PCOLCE2: variants seen among roughly 807,000 people sequenced by gnomAD.
PCOLCE2 encodes the protein procollagen C-endopeptidase enhancer 2, also known as procollagen C-proteinase enhancer 2.
A neutral mutation model predicts 47.0 loss-of-function variants in PCOLCE2; 42 were observed. That is an observed-to-expected ratio of 0.89 (90% confidence interval 0.70 to 1.16). PCOLCE2 has a LOEUF of 1.16. Among genes scored for constraint, PCOLCE2 ranks in the 50% most tolerant of loss-of-function variants. The pLI is 0.00. For missense variants in PCOLCE2, 500 were observed against 526.1 expected, an observed-to-expected ratio of 0.95 and a Z score of 0.49; for synonymous variants, 169 against 191.7, an observed-to-expected ratio of 0.88 and a Z score of 0.98.
intron 2 of PCOLCE2, among the ~76,000 whole-genome samples, chr3:142,876,262 C>T (rs1933496395): frequency 6.6e-6 from 1 of 152,178 alleles, no homozygotes; most frequent in Non-Finnish European, 1.5e-5. Flanking sequence ...TATAATATTT[C>T]ATGAAGAAAT....
rs546567632 is a variant in PCOLCE2, at chr3:142,845,739, C to T, written c.448+2478G>A. Among the ~76,000 whole-genome samples, 139 of 152,226 alleles carry T rather than the reference C, an allele frequency of 9.1e-4. 1 individual carries two copies. The highest frequency in any genetic ancestry group is 4.3e-3 in the Admixed American group (65 of 15,288). On this transcript the variant is annotated intron_variant, in intron 3 of 8. Coordinates refer to ENST00000295992, the MANE Select transcript of PCOLCE2 (RefSeq NM_013363.4). ...CTGTAATCCTAACACTTTGGGAGGC[C>T]GAGGTGGGCAGATCAACCTGAGGTC...
rs755656827 is a variant in PCOLCE2 at position 142,888,913 on chromosome 3, G to A, written c.-17C>T. The stretch of plus-strand genomic sequence containing the variant: ...GCCCCTCATGGCAGCGTAGACGCTC[G>A]GGGTTTGCACCCCACGGCGCGCGCG... On this transcript the variant is annotated 5_prime_UTR_variant, in exon 1 of 9. Transcript: ENST00000295992. 7.0e-7 allele frequency: 1 copy of A among 1,424,668 alleles called. No homozygotes were observed. The highest frequency in any genetic ancestry group is 2.9e-5 in the East Asian group (1 of 34,788). 88.3% of individuals were successfully genotyped at this position (1,424,668 alleles called of 1,614,324 possible).
intron 3 of PCOLCE2, chr3:142,843,421 C>T: frequency 2.6e-6 from 1 of 389,452 alleles, no homozygotes; most frequent in Non-Finnish European, 4.9e-6. Flanking sequence ...TAGTAAACAC[C>T]CAGGGACAAA....
At chr3:142,845,936 C>T (rs1319193816) in intron 3 of PCOLCE2, among the ~76,000 whole-genome samples, 2 of 152,246 alleles carry the variant, frequency 1.3e-5, no homozygotes, top group Middle Eastern at 6.8e-3. Context: ...GATAGCACCA[C>T]TGCACTCCAG....
At chr3:142,846,255 G>A (rs1353452280) in intron 3 of PCOLCE2, among the ~76,000 whole-genome samples, 1 of 152,164 alleles carries the variant, frequency 6.6e-6, no homozygotes, top group Non-Finnish European at 1.5e-5. Context: ...TTGGAGGGCA[G>A]TGGCGCAATC....
At position 142,842,185 on chromosome 3, in the gene PCOLCE2, T is replaced by C. The variant is rs541658808; in HGVS notation, c.573+739A>G. Among the ~76,000 whole-genome samples, 1 of 152,178 alleles carries C rather than the reference T, an allele frequency of 6.6e-6. No homozygotes were observed. ...TTGTTGGCTTTGTTGAGGCAAAGCA[T>C]CCACACTTTTTTATTTAGTCACTAG... On this transcript the variant is annotated intron_variant, in intron 4 of 8. Transcript: ENST00000295992. The surrounding 1 kb of genome is among the most constrained non-coding windows in gnomAD (Gnocchi z 4.1).
chr3:142,885,018 CTAT>C (rs767558124), intron 2 of PCOLCE2, among the ~76,000 whole-genome samples: 38,702 of 152,002 alleles, frequency 0.25, 5,819 homozygotes, highest in Non-Finnish European at 0.34. Context: ...TAAGAAATTG[CTAT>C]AAAAATTTTA....
chr3:142,888,587 C>T (rs989781928), intron 1 of PCOLCE2: 3 of 408,616 alleles, frequency 7.3e-6, no homozygotes, highest in Non-Finnish European at 1.3e-5. Flanking sequence ...GGCCATCCGG[C>T]AGGCCGGGCT....
chr3:142,843,210 A>AC, intron 3 of PCOLCE2, 162 bp from the exon 4 acceptor site: 2 of 707,998 alleles, frequency 2.8e-6, no homozygotes. Flanking sequence ...TACATACATA[A>AC]CCCCCCAACA....
At chr3:142,825,899 G>A (rs1937071151) in intron 6 of PCOLCE2, among the ~76,000 whole-genome samples, 1 of 152,088 alleles carries the variant, frequency 6.6e-6, no homozygotes, top group African/African-American at 2.4e-5. Flanking sequence ...GTGACAGGCT[G>A]GAGTTCAGCC....
At chr3:142,867,839 T>A (rs1307424355) in intron 2 of PCOLCE2, among the ~76,000 whole-genome samples, 1 of 152,182 alleles carries the variant, frequency 6.6e-6, no homozygotes, top group Non-Finnish European at 1.5e-5. Flanking sequence ...CCTATATATA[T>A]AAATAAATTA....
intron 2 of PCOLCE2, among the ~76,000 whole-genome samples, chr3:142,855,944 C>T (rs1476776541): frequency 1.3e-5 from 2 of 152,170 alleles, no homozygotes; most frequent in African/African-American, 2.4e-5. Context: ...AGCAGTTTTG[C>T]ACTTTGTGTT....
In PCOLCE2 at chr3:142,873,347, C is replaced by T. The variant is rs565194167; in HGVS notation, c.192+14322G>A. The stretch of plus-strand genomic sequence containing the variant: ...GGCAGAGGTTGCAGTGAGACAAGAT[C>T]GCACCATTGCACTCCAGCCCGGGCA... On this transcript the variant is annotated intron_variant, in intron 2 of 8. Transcript: ENST00000295992. Among the ~76,000 whole-genome samples the T allele has an allele frequency of 1.5e-3, 223 of 149,758 alleles. 1 individual carries two copies. The highest frequency in any genetic ancestry group is 0.01 in the Admixed American group (156 of 15,014).
At chr3:142,876,926 A>G (rs1373238760) in intron 2 of PCOLCE2, among the ~76,000 whole-genome samples, 1 of 152,220 alleles carries the variant, frequency 6.6e-6, no homozygotes, top group African/African-American at 2.4e-5. Context: ...TGGGGAGGTC[A>G]TCTTTGGAGA....
In PCOLCE2 at chr3:142,888,980, C is replaced by CGCTCACCCTGGCAGCAGCGCTG; in HGVS notation, c.-85_-84insCAGCGCTGCTGCCAGGGTGAGC. 1 of 514,054 alleles carries CGCTCACCCTGGCAGCAGCGCTG rather than the reference C, an allele frequency of 1.9e-6. No homozygotes were observed. Among genetic ancestry groups the CGCTCACCCTGGCAGCAGCGCTG allele is most frequent in the Non-Finnish European group, 3.2e-6 (1 of 316,242 alleles). The allele number at this position is 514,054 out of a possible 1,614,324, so 31.8% of individuals were successfully genotyped here. Reference sequence around the variant, plus strand: ...TCCGCACCCACCGCGCTCACACCGCCGCTCACACTGGCAGCAGCGCTGGCT... The same window carrying CGCTCACCCTGGCAGCAGCGCTG: ...TCCGCACCCACCGCGCTCACACCGCCGCTCACCCTGGCAGCAGCGCTGGCTCACACTGGCAGCAGCGCTGGCT... On this transcript the variant is annotated 5_prime_UTR_variant, in exon 1 of 9. Transcript: ENST00000295992.
In PCOLCE2 at chr3:142,887,228, T is replaced by A. The variant is rs114260755; in HGVS notation, c.192+441A>T. On this transcript the variant is annotated intron_variant, in intron 2 of 8. Transcript: ENST00000295992. ...CCAGGAACATTAAGTGGGCTTTTTT[T>A]ATTTTTTTTCTTTTTCCTTTCCTAA... 561 of 152,958 alleles carry A rather than the reference T, an allele frequency of 3.7e-3. 4 individuals are homozygous for A. The highest frequency in any genetic ancestry group is 1.0e-2 in the African/African-American group (415 of 41,568). 9.5% of individuals were successfully genotyped at this position (152,958 alleles called of 1,614,324 possible).
At chr3:142,862,314 C>T (rs1303053568) in intron 2 of PCOLCE2, among the ~76,000 whole-genome samples, 4 of 152,174 alleles carry the variant, frequency 2.6e-5, no homozygotes, top group East Asian at 1.9e-4. Flanking sequence ...TGGCACAAAT[C>T]GGCTTGTTTC....
chr3:142,847,427 T>C (rs771231850), intron 3 of PCOLCE2, among the ~76,000 whole-genome samples: 3 of 152,202 alleles, frequency 2.0e-5, no homozygotes, highest in Non-Finnish European at 4.4e-5. Context: ...GGACTGCTCT[T>C]GGGTAAAAGG....
At chr3:142,881,235 C>T (rs1018629658) in intron 2 of PCOLCE2, among the ~76,000 whole-genome samples, 2 of 152,256 alleles carry the variant, frequency 1.3e-5, no homozygotes, top group Admixed American at 6.5e-5. Context: ...AAGTTGTGTG[C>T]TACCCTTTGT....
Sources: gnomAD v4.1 joint callset for allele counts (sites outside exome capture counted in the v4.1 genomes callset) on GRCh38, gnomAD v4.1.1 for gene constraint, Gnocchi (gnomAD v3.1) non-coding constraint, MANE v1.5 for transcripts, NCBI Gene and HGNC (gene_info 2026-07-23, HGNC 2026-07-21) for gene names.